C15orf39: variants seen among roughly 807,000 people sequenced by gnomAD.
C15orf39 encodes uncharacterized protein C15orf39.
In C15orf39, 24 loss-of-function variants were observed where a neutral mutation model predicts 53.9. The observed-to-expected ratio is 0.45, with a 90% CI of 0.32 to 0.63. The LOEUF (loss-of-function observed/expected upper bound fraction) is 0.63. Among genes scored for constraint, C15orf39 ranks in the 20% least tolerant of loss-of-function variants. C15orf39 has a pLI of 0.04. For missense variants in C15orf39, 1,271 were observed against 1,347.9 expected, an observed-to-expected ratio of 0.94 and a Z score of 0.89; for synonymous variants, 569 against 576.5, an observed-to-expected ratio of 0.99 and a Z score of 0.19.
In C15orf39 at chr15:75,208,365, TCCC is replaced by T; in HGVS notation, c.2318_2320del (p.Ser773del). On this transcript the variant is annotated inframe_deletion, in exon 2 of 3. Coordinates refer to ENST00000394987, the MANE Select transcript of C15orf39 (RefSeq NM_015492.5). ...GCAGCATTTTACAGGACTACATGCG[TCCC>T]TGTGTGATGCTATTTCTGGCTCCGT... 6.3e-7 allele frequency: 1 copy of T among 1,594,202 alleles called. No homozygotes were observed. The highest frequency in any genetic ancestry group is 8.5e-7 in the Non-Finnish European group (1 of 1,170,340).
Position 75,206,304 on chromosome 15 carries a change from A to G in C15orf39, c.256A>G (p.Asn86Asp), listed in dbSNP as rs1334269446. 1.2e-6 allele frequency: 2 copies of G among 1,614,028 alleles called. No homozygotes were observed. Among genetic ancestry groups the G allele is most frequent in the Non-Finnish European group, 1.7e-6 (2 of 1,179,972 alleles). ...GMAGPPLQADNLLTNCLFYRS... is the reference protein window; with the variant it reads ...GMAGPPLQADDLLTNCLFYRS... ...GGCAGGACCCCCACTTCAGGCAGAC[A>G]ACCTGCTGACCAACTGCCTGTTCTA... The change falls in exon 2 of 3, where the codon AAC (asparagine) becomes GAC (aspartate). Residue 86 changes from asparagine (N) to aspartate (D), a missense_variant. This residue lies in a region of C15orf39 where 994 missense variants were observed against 993.7 expected (regional missense o/e 1.00). Transcript: ENST00000394987.
rs755456527 is a variant in C15orf39 at position 75,207,636 on chromosome 15, GCCACAGCTGAGCCTGACT to G, written c.1590_1607del (p.Thr531_Ser536del). The G allele has an allele frequency of 1.2e-5, 20 of 1,612,138 alleles. No homozygotes were observed. Among genetic ancestry groups the G allele is most frequent in the Admixed American group, 1.7e-5 (1 of 59,980 alleles). On this transcript the variant is annotated inframe_deletion, in exon 2 of 3. Transcript: ENST00000394987. The stretch of plus-strand genomic sequence containing the variant: ...CGAGGCCACAACTGAGCCTGACTCT[GCCACAGCTGAGCCTGACT>G]CAGCCCCAGCCACCAGTGAAGGTCA...
intron 1 of C15orf39, chr15:75,202,531 T>A (rs1195199730): frequency 6.6e-6 from 1 of 152,110 alleles, no homozygotes; most frequent in Non-Finnish European, 1.5e-5. Flanking sequence ...GCCCTGCGGT[T>A]TTCTCGCCAC....
chr15:75,210,464 G>A (rs1424998235), intron 2 of C15orf39, among the ~76,000 whole-genome samples: 1 of 152,154 alleles, frequency 6.6e-6, no homozygotes, highest in African/African-American at 2.4e-5. Flanking sequence ...AATGGGTATT[G>A]GACCAGGCCA....
chr15:75,207,372 C>T lies in C15orf39; in HGVS notation c.1324C>T (p.Leu442=), dbSNP rs759948248. ...PAQEAEEKTW[L]PSCRKEKLQP... Reference sequence around the variant, plus strand: ...ACAGGAAGCCGAAGAGAAGACCTGGCTGCCCAGCTGCAGGAAAGAGAAGCT... The same window carrying T: ...ACAGGAAGCCGAAGAGAAGACCTGGTTGCCCAGCTGCAGGAAAGAGAAGCT... Residue 442 remains leucine (L), a synonymous_variant, in exon 2 of 3, where the codon CTG becomes TTG. Coordinates refer to ENST00000394987, the MANE Select transcript of C15orf39 (RefSeq NM_015492.5). 6.2e-7 allele frequency: 1 copy of T among 1,613,390 alleles called. No homozygotes were observed. Among genetic ancestry groups the T allele is most frequent in the Non-Finnish European group, 8.5e-7 (1 of 1,180,012 alleles).
In C15orf39 at chr15:75,208,135, A is replaced by G; in HGVS notation, c.2087A>G (p.Gln696Arg). ...SGPIGLRILA[Q>R]QPLSVTCFSL... ...CCCATTGGACTGCGGATTCTCGCTC[A>G]ACAGCCCTTGTCTGTGACCTGCTTC... Residue 696 changes from glutamine (Q) to arginine (R), a missense_variant, in exon 2 of 3, where the codon CAA becomes CGA. By Grantham distance (43) the Gln-to-Arg change is conservative. Transcript: ENST00000394987. 6.2e-7 allele frequency: 1 copy of G among 1,613,992 alleles called. No individual in the cohort carries two copies. The highest frequency in any genetic ancestry group is 8.5e-7 in the Non-Finnish European group (1 of 1,179,992).
chr15:75,210,877 C>T lies in C15orf39; in HGVS notation c.2905C>T (p.Pro969Ser). 6.2e-7 allele frequency: 1 copy of T among 1,613,812 alleles called. No homozygotes were observed. Among genetic ancestry groups the T allele is most frequent in the Non-Finnish European group, 8.5e-7 (1 of 1,179,988 alleles). Residue 969 changes from proline (P) to serine (S), a missense_variant, in exon 3 of 3, where the codon CCA (proline) becomes TCA (serine). This residue lies in a region of C15orf39 where 277 missense variants were observed against 354.1 expected (regional missense o/e 0.78). Coordinates refer to ENST00000394987, the MANE Select transcript of C15orf39 (RefSeq NM_015492.5). ...GGTCAGGAAGCCAGGCAGGAAGCCA[C>T]CAACCCCTGGCCCGGAGAAAGCAGA... ...PKVRKPGRKPPTPGPEKAEAA... is the reference protein window; with the variant it reads ...PKVRKPGRKPSTPGPEKAEAA...
chr15:75,209,004 C>T (rs1035261569), intron 2 of C15orf39, 180 bp downstream of exon 2: 1 of 1,042,486 alleles, frequency 9.6e-7, no homozygotes, highest in Non-Finnish European at 1.3e-6. Flanking sequence ...TCAGTGAGCA[C>T]CTTCATAGCC....
In C15orf39 at chr15:75,206,530, T is replaced by C. The variant is rs371339122; in HGVS notation, c.482T>C (p.Leu161Pro). Residue 161 changes from leucine to proline, a missense_variant, in exon 2 of 3, where the codon CTG (leucine) becomes CCG (proline). Around this residue, in one of 2 missense-constraint regions of C15orf39, gnomAD observed 994 missense variants for 993.7 expected, o/e 1.00. Transcript: ENST00000394987. ...AGGCCACTGGATGTTGACTGGACTCTGGCGACTGGGCCCCTGTTGCCCTCA... is the reference window on the plus strand; with the variant it reads ...AGGCCACTGGATGTTGACTGGACTCCGGCGACTGGGCCCCTGTTGCCCTCA... Reference protein sequence around the residue: ...VKRPLDVDWTLATGPLLPSAD... With the variant: ...VKRPLDVDWTPATGPLLPSAD... 7 of 1,613,942 alleles carry C rather than the reference T, an allele frequency of 4.3e-6. No homozygotes were observed. Among genetic ancestry groups the C allele is most frequent in the African/African-American group, 1.3e-5 (1 of 74,908 alleles).
rs867007688 is a variant in C15orf39, at chr15:75,202,667, G to A, written c.-51+608G>A. 9.4e-5 allele frequency among the ~76,000 whole-genome samples: 14 copies of A among 148,670 alleles called. No individual in the cohort carries two copies. The South Asian group carries it at 2.9e-3, about 31-fold the overall frequency. ...CCCGCCGGTCCGCGGGCGTCGGTGT[G>A]GGGCTGGGTGCGCGGGCCTGCCTGC... On this transcript the variant is annotated intron_variant, in intron 1 of 2. Coordinates refer to ENST00000394987, the MANE Select transcript of C15orf39 (RefSeq NM_015492.5).
In C15orf39 at chr15:75,208,668, C is replaced by A. The variant is rs762939565; in HGVS notation, c.2620C>A (p.Arg874=). 3.7e-6 allele frequency: 6 copies of A among 1,606,274 alleles called. No individual in the cohort carries two copies. In the African/African-American group the frequency reaches 8.0e-5, roughly 21 times the overall value. The part of the protein sequence containing the change: ...HVLQEHRVEL[R]PTTLSEERAL... ...GCTGCAGGAGCATCGTGTGGAGCTGCGGCCCACCACGCTGTCGGAGGAGCG... is the reference window on the plus strand; with the variant it reads ...GCTGCAGGAGCATCGTGTGGAGCTGAGGCCCACCACGCTGTCGGAGGAGCG... Residue 874 remains arginine, a synonymous_variant, in exon 2 of 3, where the codon CGG becomes AGG. Transcript: ENST00000394987.
Position 75,207,133 on chromosome 15 carries a change from C to T in C15orf39, c.1085C>T (p.Pro362Leu). ...TCTCCAGGCCTCAAGCTGGAGCCGC[C>T]TCTCACTCCACGGTGCCCATTGGAC... ...APSPGLKLEP[P>L]LTPRCPLDFA... The change falls in exon 2 of 3, where the codon CCT becomes CTT. Residue 362 changes from proline to leucine, a missense_variant. By Grantham distance (98) the Pro-to-Leu change is moderately conservative (BLOSUM62 -3). This residue lies in a region of C15orf39 where 994 missense variants were observed against 993.7 expected (regional missense o/e 1.00). Transcript: ENST00000394987. The T allele has an allele frequency of 6.2e-7, 1 of 1,613,884 alleles. No individual in the cohort carries two copies. The highest frequency in any genetic ancestry group is 1.3e-5 in the African/African-American group (1 of 75,014).
Position 75,207,502 on chromosome 15 carries a change from C to T in C15orf39, c.1454C>T (p.Ser485Phe). The change falls in exon 2 of 3, where the codon TCT becomes TTT. Residue 485 changes from serine (S) to phenylalanine (F), a missense_variant. Ser to Phe is a radical substitution (Grantham distance 155). Coordinates refer to ENST00000394987, the MANE Select transcript of C15orf39 (RefSeq NM_015492.5). ...ALPPCARECQ[S>F]LPQKEGARPP... ...CCCCCCTGTGCCCGGGAGTGCCAGTCTCTTCCACAGAAGGAGGGCGCAAGG... is the reference window on the plus strand; with the variant it reads ...CCCCCCTGTGCCCGGGAGTGCCAGTTTCTTCCACAGAAGGAGGGCGCAAGG... 6.2e-7 allele frequency: 1 copy of T among 1,613,638 alleles called. No individual in the cohort carries two copies. The highest frequency in any genetic ancestry group is 8.5e-7 in the Non-Finnish European group (1 of 1,179,988).
chr15:75,209,846 G>A (rs926453359), intron 2 of C15orf39, among the ~76,000 whole-genome samples: 1 of 152,216 alleles, frequency 6.6e-6, no homozygotes, highest in Non-Finnish European at 1.5e-5. Context: ...AAGGGCCTGT[G>A]GCAGTGAGGT....
Position 75,211,579 on chromosome 15 carries a change from T to C in C15orf39, c.*463T>C, listed in dbSNP as rs1274013722. On this transcript the variant is annotated 3_prime_UTR_variant, in exon 3 of 3. Transcript: ENST00000394987. ...TAGAATTGGAGGCAGAGAACCTTCC[T>C]ATAGAAAGTCTTCGTGTGTCCTAGG... is the stretch of plus-strand genomic sequence containing the variant. 1 of 157,824 alleles carries C rather than the reference T, an allele frequency of 6.3e-6. No homozygotes were observed. Among genetic ancestry groups the C allele is most frequent in the Admixed American group, 6.4e-5 (1 of 15,614 alleles). The allele number at this position is 157,824 out of a possible 1,614,324, so 9.8% of individuals were successfully genotyped here.
chr15:75,206,142 C>A lies in C15orf39; in HGVS notation c.94C>A (p.Pro32Thr). 6.2e-7 allele frequency: 1 copy of A among 1,613,984 alleles called. No individual in the cohort carries two copies. The highest frequency in any genetic ancestry group is 1.3e-5 in the African/African-American group (1 of 75,008). The change falls in exon 2 of 3, where the codon CCC (proline) becomes ACC (threonine). Residue 32 changes from proline to threonine, a missense_variant. Physicochemically the swap from Pro to Thr is conservative, Grantham distance 38 (BLOSUM62 -1). Around this residue, in one of 2 missense-constraint regions of C15orf39, gnomAD observed 994 missense variants for 993.7 expected, o/e 1.00. Coordinates refer to ENST00000394987, the MANE Select transcript of C15orf39 (RefSeq NM_015492.5). ...AGACTCCGGGCTCGAGCACAGCCTG[C>A]CCCACTCTGTTGGTAACCAGGATCC... The part of the protein sequence containing the change: ...ETDSGLEHSL[P>T]HSVGNQDPCT...
upstream of C15orf39, among the ~76,000 whole-genome samples, chr15:75,201,155 G>A (rs1195349740): frequency 2.6e-5 from 4 of 152,064 alleles, no homozygotes; most frequent in Non-Finnish European, 5.9e-5. The surrounding 1 kb of genome is among the most constrained non-coding windows in gnomAD (Gnocchi z 4.7). Flanking sequence ...ACAGTCAGAT[G>A]GTCCAGGGAG....
In C15orf39 at chr15:75,211,223, C is replaced by T. The variant is rs2070481407; in HGVS notation, c.*107C>T. ...GGATGCTGGGGCTGTGGCTGCTCCC[C>T]TGGAGGGGTTCCATCTCTGACCCTG... is the stretch of plus-strand genomic sequence containing the variant. On this transcript the variant is annotated 3_prime_UTR_variant, in exon 3 of 3. Coordinates refer to ENST00000394987, the MANE Select transcript of C15orf39 (RefSeq NM_015492.5). 2 of 1,443,294 alleles carry T rather than the reference C, an allele frequency of 1.4e-6. No homozygotes were observed. Among genetic ancestry groups the T allele is most frequent in the Admixed American group, 2.2e-5 (1 of 44,564 alleles). The allele number at this position is 1,443,294 out of a possible 1,614,324, so 89.4% of individuals were successfully genotyped here.
rs771121552 is a variant in C15orf39 at position 75,210,655 on chromosome 15, G to A, written c.2777-94G>A. 40 of 1,488,082 alleles carry A rather than the reference G, an allele frequency of 2.7e-5. No homozygotes were observed. In the South Asian group the frequency reaches 3.9e-4, roughly 15 times the overall value. 92.2% of individuals were successfully genotyped at this position (1,488,082 alleles called of 1,614,324 possible). On this transcript the variant is annotated intron_variant, in intron 2 of 2. Transcript: ENST00000394987. The stretch of plus-strand genomic sequence containing the variant: ...AGTTGTGATGCCAGCCTGACTTGGG[G>A]CAGAGCAGAAGCACTGTTTGGATGG...
Sources: allele counts gnomAD v4.1 joint callset (sites outside exome capture counted in the v4.1 genomes callset), GRCh38; gene constraint gnomAD v4.1.1; regional missense constraint gnomAD v4.1.1; non-coding constraint Gnocchi (gnomAD v3.1); transcripts MANE v1.5; gene names NCBI Gene and HGNC (gene_info 2026-07-23, HGNC 2026-07-21).